The following DLG2 variants were observed in gnomAD, a reference collection of about 807,000 sequenced individuals.
DLG2 encodes disks large homolog 2.
In DLG2, 45 loss-of-function variants were observed where a neutral mutation model predicts 132.5. The observed-to-expected ratio is 0.34, with a 90% CI of 0.27 to 0.44. DLG2 has a LOEUF of 0.44. DLG2 is among the 20% of genes least tolerant of loss of function. The probability of loss-of-function intolerance (pLI) is 1.00; values close to 1 mark genes in which losing one functional copy is unlikely to be tolerated. For synonymous variants in DLG2, 424 were observed against 419.6 expected (o/e 1.01, Z -0.13); for missense variants, 1,045 against 1,196.9 (o/e 0.87, Z 1.87).
At chr11:84,654,555 C>T (rs1232130832) in intron 6 of DLG2, among the ~76,000 whole-genome samples, 1 of 152,094 alleles carries the variant, frequency 6.6e-6, no homozygotes, top group Admixed American at 6.6e-5. Flanking sequence ...ATAAATCTTG[C>T]CTATAGTCAC....
At chr11:84,571,915 G>A (rs2154527869) in intron 6 of DLG2, among the ~76,000 whole-genome samples, 1 of 152,170 alleles carries the variant, frequency 6.6e-6, no homozygotes, top group South Asian at 2.1e-4. Flanking sequence ...TATGTATCAG[G>A]CACAACTCTG....
At chr11:83,518,417 G>A (rs1367522449) in intron 21 of DLG2, among the ~76,000 whole-genome samples, 1 of 152,212 alleles carries the variant, frequency 6.6e-6, no homozygotes, top group Non-Finnish European at 1.5e-5. Context: ...GGTGCCATCT[G>A]TCACCCCTTT....
chr11:85,525,685 C>T (rs1008419645), intron 3 of DLG2, among the ~76,000 whole-genome samples: 4 of 152,050 alleles, frequency 2.6e-5, no homozygotes, highest in African/African-American at 9.7e-5. Context: ...ACAGTAATGC[C>T]TGAGATGTGG....
chr11:84,097,195 A>G (rs7930853), intron 10 of DLG2, among the ~76,000 whole-genome samples: 134,023 of 152,124 alleles, frequency 0.88, 59,339 homozygotes, highest in Middle Eastern at 0.95. Flanking sequence ...TTAAATTTGA[A>G]TCAGGCTTCT....
chr11:85,575,096 A>G (rs763723231), intron 3 of DLG2, among the ~76,000 whole-genome samples: 8 of 151,926 alleles, frequency 5.3e-5, no homozygotes, highest in Non-Finnish European at 1.0e-4. Context: ...CATTTTAAAC[A>G]TAAGTCAGAC....
intron 18 of DLG2, among the ~76,000 whole-genome samples, chr11:83,659,273 C>T (rs574141417): frequency 5.9e-5 from 9 of 152,178 alleles, no homozygotes; most frequent in South Asian, 2.1e-4. Context: ...CTGAGACACA[C>T]GGGGATTAGT....
At chr11:84,521,530 G>A (rs1324896507) in intron 7 of DLG2, among the ~76,000 whole-genome samples, 2 of 152,192 alleles carry the variant, frequency 1.3e-5, no homozygotes, top group Non-Finnish European at 2.9e-5. Flanking sequence ...TGTAAGTCTA[G>A]TGATTCTATG....
intron 7 of DLG2, among the ~76,000 whole-genome samples, chr11:84,328,945 T>C (rs1046061125): frequency 2.6e-5 from 4 of 152,218 alleles, no homozygotes; most frequent in Non-Finnish European, 4.4e-5. Context: ...CTAGTTTCTA[T>C]CAGGAACTAT....
intron 16 of DLG2, among the ~76,000 whole-genome samples, chr11:83,870,620 G>T (rs1301486111): frequency 6.6e-6 from 1 of 152,134 alleles, no homozygotes; most frequent in Non-Finnish European, 1.5e-5. Flanking sequence ...TCAGCTGTGG[G>T]GGCCAACTCT....
chr11:83,606,732 C>A (rs564421555), intron 19 of DLG2, among the ~76,000 whole-genome samples: 138 of 151,920 alleles, frequency 9.1e-4, no homozygotes, highest in Non-Finnish European at 1.7e-3. Flanking sequence ...TCAAGACCAT[C>A]CTGGCTAATA....
chr11:85,486,628 A>G (rs543654607), intron 3 of DLG2, among the ~76,000 whole-genome samples: 133 of 152,180 alleles, frequency 8.7e-4, no homozygotes, highest in African/African-American at 3.1e-3. Context: ...ACCCACACAC[A>G]CATGGTACCA....
At chr11:84,754,093 T>C (rs1249130459) in intron 6 of DLG2, among the ~76,000 whole-genome samples, 3 of 152,134 alleles carry the variant, frequency 2.0e-5, no homozygotes, top group South Asian at 4.1e-4. Context: ...ACCTTGAGTA[T>C]AGACTACTCC....
chr11:84,928,360 T>A (rs1252740030), intron 6 of DLG2, among the ~76,000 whole-genome samples: 1 of 152,022 alleles, frequency 6.6e-6, no homozygotes, highest in Middle Eastern at 3.2e-3. Flanking sequence ...AACTTCTCTC[T>A]GCCACAGAGT....
In DLG2 at chr11:83,821,107, T is replaced by C. The variant is rs146110101; in HGVS notation, c.1722+12507A>G. On this transcript the variant is annotated intron_variant, in intron 17 of 27. Coordinates refer to ENST00000376104, the MANE Select transcript of DLG2 (RefSeq NM_001142699.3). ...CTGGGATGCAATGATGATGCAGACA[T>C]AACGCTTATGCTTACTGACCTCCAT... Among the ~76,000 whole-genome samples the C allele has an allele frequency of 6.0e-3, 913 of 152,334 alleles. 4 individuals are homozygous for C. The highest frequency in any genetic ancestry group is 0.021 in the African/African-American group (865 of 41,584).
chr11:83,541,315 A>G (rs527487511), intron 20 of DLG2, among the ~76,000 whole-genome samples: 1 of 152,270 alleles, frequency 6.6e-6, no homozygotes, highest in African/African-American at 2.4e-5. Flanking sequence ...TGGCCTTTCT[A>G]TAACATTCAT....
chr11:83,552,616 T>C (rs1031344555), intron 19 of DLG2, among the ~76,000 whole-genome samples: 1 of 152,122 alleles, frequency 6.6e-6, no homozygotes, highest in East Asian at 1.9e-4. Context: ...ATTTTCTTAG[T>C]GGAAGCCGCC....
intron 4 of DLG2, among the ~76,000 whole-genome samples, chr11:85,209,339 G>A (rs1017286464): frequency 6.6e-6 from 1 of 151,634 alleles, no homozygotes; most frequent in South Asian, 2.1e-4. Flanking sequence ...TCTTGTACTA[G>A]GGCTGGTACA....
intron 7 of DLG2, among the ~76,000 whole-genome samples, chr11:84,373,157 G>C (rs2098712809): frequency 6.8e-6 from 1 of 147,200 alleles, no homozygotes; most frequent in East Asian, 2.1e-4. Flanking sequence ...ACAAATGCAA[G>C]GCCAACGTTC....
At chr11:83,643,078 A>G (rs1266961082) in intron 18 of DLG2, among the ~76,000 whole-genome samples, 1 of 152,212 alleles carries the variant, frequency 6.6e-6, no homozygotes, top group African/African-American at 2.4e-5. Context: ...GTGAAGATCA[A>G]ATGAAGAAAC....
Sources: allele counts gnomAD v4.1 joint callset (sites outside exome capture counted in the v4.1 genomes callset), GRCh38; gene constraint gnomAD v4.1.1; transcripts MANE v1.5; gene names NCBI Gene and HGNC (gene_info 2026-07-23, HGNC 2026-07-21).